The following GALNT17 variants were observed in gnomAD, a reference collection of about 807,000 sequenced individuals.
The protein encoded by GALNT17 is UDP-GalNAc:polypeptide N-acetylgalactosaminyltransferase-like 3.
In GALNT17, 29 loss-of-function variants were observed where a neutral mutation model predicts 63.7. That is an observed-to-expected ratio of 0.46 (90% CI 0.34 to 0.62). The LOEUF is 0.62. GALNT17 is among the 20% of genes least tolerant of loss of function. The pLI is 0.01. For synonymous variants in GALNT17, 305 were observed against 318.3 expected (o/e 0.96, Z 0.45); for missense variants, 603 against 799.6 (o/e 0.75, Z 2.97).
chr7:71,133,977 C>T (rs1490229735), intron 1 of GALNT17, among the ~76,000 whole-genome samples: 1 of 152,170 alleles, frequency 6.6e-6, no homozygotes, highest in Non-Finnish European at 1.5e-5. Context: ...TCACGAAGAT[C>T]GTGATAATAA....
At chr7:71,303,502 G>C (rs924338774) in intron 1 of GALNT17, among the ~76,000 whole-genome samples, 3 of 152,082 alleles carry the variant, frequency 2.0e-5, no homozygotes, top group Admixed American at 6.5e-5. Flanking sequence ...TGTGTAAATG[G>C]ATGAGGGCCA....
At chr7:71,320,880 A>G (rs552942692) in intron 1 of GALNT17, among the ~76,000 whole-genome samples, 156 of 152,234 alleles carry the variant, frequency 1.0e-3, no homozygotes, top group African/African-American at 3.4e-3. Context: ...GTCACTCAAA[A>G]TCTCTAATCA....
chr7:71,544,124 C>CTT (rs60144462), intron 5 of GALNT17, among the ~76,000 whole-genome samples: 157 of 132,384 alleles, frequency 1.2e-3, no homozygotes, highest in East Asian at 3.1e-3. Context: ...TTTCTTTTTT[C>CTT]TTTTTTTTTT....
chr7:71,582,803 C>T (rs760552912), intron 6 of GALNT17, among the ~76,000 whole-genome samples: 2 of 151,776 alleles, frequency 1.3e-5, no homozygotes, highest in Non-Finnish European at 2.9e-5. Context: ...CAATGGACTT[C>T]GGTGACTCAG....
At chr7:71,273,905 G>A (rs904836835) in intron 1 of GALNT17, among the ~76,000 whole-genome samples, 1 of 152,234 alleles carries the variant, frequency 6.6e-6, no homozygotes, top group Non-Finnish European at 1.5e-5. Flanking sequence ...AAGAGAATGT[G>A]AATCATAGGT....
intron 9 of GALNT17, among the ~76,000 whole-genome samples, chr7:71,701,988 G>A (rs1791658290): frequency 6.7e-6 from 1 of 150,084 alleles, no homozygotes; most frequent in Non-Finnish European, 1.5e-5. Flanking sequence ...ATCCTTTGCA[G>A]CAACATAGAT....
At chr7:71,155,373 A>G (rs1788215758) in intron 1 of GALNT17, among the ~76,000 whole-genome samples, 1 of 151,640 alleles carries the variant, frequency 6.6e-6, no homozygotes. Flanking sequence ...TCCCGGGCTC[A>G]AGCAATTCTT....
chr7:71,525,126 G>A (rs551419445), intron 5 of GALNT17, among the ~76,000 whole-genome samples: 1 of 152,224 alleles, frequency 6.6e-6, no homozygotes, highest in South Asian at 2.1e-4. Flanking sequence ...AATTACTTTT[G>A]CACCAACTCA....
At chr7:71,369,432 A>C (rs888756294) in intron 2 of GALNT17, among the ~76,000 whole-genome samples, 4 of 152,156 alleles carry the variant, frequency 2.6e-5, no homozygotes, top group African/African-American at 9.7e-5. Flanking sequence ...GAGTAAAGTT[A>C]ATATGGCAGT....
intron 1 of GALNT17, among the ~76,000 whole-genome samples, chr7:71,175,960 G>C (rs1456898480): frequency 6.6e-6 from 1 of 152,122 alleles, no homozygotes; most frequent in Admixed American, 6.6e-5. Context: ...AGCTTGGCAA[G>C]ATGACTCTGT....
chr7:71,390,009 G>A (rs1243166587), intron 3 of GALNT17, among the ~76,000 whole-genome samples: 1 of 152,150 alleles, frequency 6.6e-6, no homozygotes, highest in Non-Finnish European at 1.5e-5. Context: ...TGGTGCCTTT[G>A]TGTTGGATCC....
intron 1 of GALNT17, among the ~76,000 whole-genome samples, chr7:71,201,241 T>TATATATATATATCTATATATATATA (rs1554338085): frequency 7.2e-6 from 1 of 138,382 alleles, no homozygotes. Context: ...GTGTTTATTT[T>TATATATATATATCTATATATATATA]TATATATATA....
chr7:71,362,177 C>T (rs1423825049), intron 2 of GALNT17, among the ~76,000 whole-genome samples: 7 of 152,080 alleles, frequency 4.6e-5, no homozygotes, highest in Non-Finnish European at 2.9e-5. Context: ...AGGCTGGTCT[C>T]GAACCCCTGA....
At chr7:71,133,792 T>C (rs1389597063) in intron 1 of GALNT17, among the ~76,000 whole-genome samples, 1 of 152,180 alleles carries the variant, frequency 6.6e-6, no homozygotes, top group African/African-American at 2.4e-5. Context: ...TTGTCACACC[T>C]GGGCCAGGTC....
chr7:71,663,197 A>G (rs1485732259), intron 6 of GALNT17, among the ~76,000 whole-genome samples: 1 of 152,004 alleles, frequency 6.6e-6, no homozygotes, highest in Non-Finnish European at 1.5e-5. Context: ...TTCCTTACGA[A>G]CTTTAGGATC....
intron 1 of GALNT17, among the ~76,000 whole-genome samples, chr7:71,251,736 T>A (rs539237613): frequency 9.2e-5 from 14 of 152,322 alleles, no homozygotes; most frequent in Admixed American, 4.6e-4. Flanking sequence ...CTTTTGGACC[T>A]ATATCGGATT....
At chr7:71,523,382 CTG>C (rs1284352189) in intron 5 of GALNT17, among the ~76,000 whole-genome samples, 1 of 152,132 alleles carries the variant, frequency 6.6e-6, no homozygotes, top group African/African-American at 2.4e-5. Flanking sequence ...TGAGCTGAGA[CTG>C]TGCCACTGCA....
rs113364092 is a variant in GALNT17, at chr7:71,197,536, T to C, written c.238+64496T>C. Among the ~76,000 whole-genome samples, 12 of 152,050 alleles carry C rather than the reference T, an allele frequency of 7.9e-5. 2 individuals are homozygous for C. The highest frequency in any genetic ancestry group is 2.7e-4 in the African/African-American group (11 of 41,480). On this transcript the variant is annotated intron_variant, in intron 1 of 10. Coordinates refer to ENST00000333538, the MANE Select transcript of GALNT17 (RefSeq NM_022479.3). The stretch of plus-strand genomic sequence containing the variant: ...TTGTACATTTAAGTAGTAGGTCTTA[T>C]TCATTTTATCTAATTATATTTTTGT...
At chr7:71,628,144 T>C (rs1394896999) in intron 6 of GALNT17, among the ~76,000 whole-genome samples, 1 of 151,438 alleles carries the variant, frequency 6.6e-6, no homozygotes, top group Non-Finnish European at 1.5e-5. Flanking sequence ...TGATGTGGAG[T>C]GAAGGACCAG....
Sources: gnomAD v4.1 joint callset for allele counts (sites outside exome capture counted in the v4.1 genomes callset) on GRCh38, gnomAD v4.1.1 for gene constraint, MANE v1.5 for transcripts, NCBI Gene and HGNC (gene_info 2026-07-23, HGNC 2026-07-21) for gene names.